The following MBOAT1 variants were observed in gnomAD, a reference collection of about 807,000 sequenced individuals.
The protein encoded by MBOAT1 is membrane-bound glycerophospholipid O-acyltransferase 1.
A neutral mutation model predicts 64.4 loss-of-function variants in MBOAT1; 67 were observed. That is an observed-to-expected ratio of 1.04 (90% CI 0.85 to 1.27). The LOEUF is 1.27. Among genes scored for constraint, MBOAT1 ranks in the 50% most tolerant of loss-of-function variants. The pLI is 0.00. For synonymous variants in MBOAT1, 229 were observed against 218.9 expected (o/e 1.05, Z -0.41); for missense variants, 563 against 604.6 (o/e 0.93, Z 0.72).
intron 5 of MBOAT1, among the ~76,000 whole-genome samples, chr6:20,129,897 T>C (rs1210481263): frequency 6.6e-6 from 1 of 152,204 alleles, no homozygotes; most frequent in Non-Finnish European, 1.5e-5. Context: ...TTGTGAAACC[T>C]TTTAGTACTG....
intron 4 of MBOAT1, among the ~76,000 whole-genome samples, chr6:20,132,296 C>T (rs111712094): frequency 0.061 from 9,280 of 152,242 alleles, 396 homozygotes; most frequent in South Asian, 0.13. Flanking sequence ...GACAGATACA[C>T]GGGCTCCTTC....
rs114409732 is a variant in MBOAT1 at position 20,158,296 on chromosome 6, A to G, written c.100-5527T>C. The stretch of plus-strand genomic sequence containing the variant: ...ACTCTTCTATGTCCATTGATTTTTG[A>G]CAAAGGTATGAAGAACACCCAATGT... On this transcript the variant is annotated intron_variant, in intron 1 of 12. Transcript: ENST00000324607. Among the ~76,000 whole-genome samples, 441 of 152,328 alleles carry G rather than the reference A, an allele frequency of 2.9e-3. 2 individuals are homozygous for G. The highest frequency in any genetic ancestry group is 0.01 in the African/African-American group (424 of 41,574).
At chr6:20,135,522 A>C (rs1470104960) in intron 4 of MBOAT1, among the ~76,000 whole-genome samples, 1 of 152,188 alleles carries the variant, frequency 6.6e-6, no homozygotes, top group African/African-American at 2.4e-5. Context: ...GCAATATTTC[A>C]ATAAAACCTA....
chr6:20,125,702 T>C (rs894299904), intron 7 of MBOAT1, among the ~76,000 whole-genome samples: 2 of 152,256 alleles, frequency 1.3e-5, no homozygotes, highest in African/African-American at 4.8e-5. Flanking sequence ...CTTGAGATAC[T>C]TGACCAACCA....
At chr6:20,205,879 T>C (rs1056223200) in intron 1 of MBOAT1, among the ~76,000 whole-genome samples, 1 of 152,084 alleles carries the variant, frequency 6.6e-6, no homozygotes, top group Non-Finnish European at 1.5e-5. Flanking sequence ...CACCACCTCA[T>C]CAGGGCTCTG....
At chr6:20,110,835 A>G (rs1581395091) in intron 11 of MBOAT1, among the ~76,000 whole-genome samples, 2 of 152,304 alleles carry the variant, frequency 1.3e-5, no homozygotes, top group Admixed American at 1.3e-4. Flanking sequence ...TTGTCTGCCC[A>G]TCCCATTTTG....
chr6:20,167,619 G>C (rs1762050617), intron 1 of MBOAT1, among the ~76,000 whole-genome samples: 2 of 152,220 alleles, frequency 1.3e-5, no homozygotes, highest in South Asian at 4.1e-4. Flanking sequence ...TGGATGCACA[G>C]ATTTTAATCA....
intron 1 of MBOAT1, among the ~76,000 whole-genome samples, chr6:20,193,208 G>A (rs1437208984): frequency 2.7e-5 from 4 of 150,536 alleles, no homozygotes; most frequent in East Asian, 3.9e-4. Flanking sequence ...GGGTTTCACC[G>A]TGTTAGCCAG....
chr6:20,168,597 A>AG (rs1169091319), intron 1 of MBOAT1, among the ~76,000 whole-genome samples: 1,303 of 66,656 alleles, frequency 0.02, 3 homozygotes, highest in Non-Finnish European at 0.027. Context: ...GAGGGAGAGA[A>AG]AGAGAGAAGA....
intron 11 of MBOAT1, among the ~76,000 whole-genome samples, chr6:20,112,475 G>A (rs774670747): frequency 2.0e-5 from 3 of 152,094 alleles, no homozygotes; most frequent in African/African-American, 7.2e-5. Flanking sequence ...TTCTAGGCTC[G>A]GGGCAATGAA....
chr6:20,184,802 A>G (rs958976733), intron 1 of MBOAT1, among the ~76,000 whole-genome samples: 1 of 151,898 alleles, frequency 6.6e-6, no homozygotes, highest in African/African-American at 2.4e-5. Flanking sequence ...GCACATACAC[A>G]TGCTGGGCTA....
At chr6:20,158,587 A>G (rs1417397311) in intron 1 of MBOAT1, among the ~76,000 whole-genome samples, 2 of 152,364 alleles carry the variant, frequency 1.3e-5, no homozygotes, top group East Asian at 3.9e-4. Flanking sequence ...AAGCACACCA[A>G]ACTAAAACGG....
At chr6:20,162,111 A>C (rs1285749422) in intron 1 of MBOAT1, among the ~76,000 whole-genome samples, 3 of 152,124 alleles carry the variant, frequency 2.0e-5, no homozygotes, top group Non-Finnish European at 4.4e-5. Context: ...TTTCTTCACT[A>C]CTAAGTTATT....
At chr6:20,176,021 C>T (rs978165793) in intron 1 of MBOAT1, among the ~76,000 whole-genome samples, 8 of 152,310 alleles carry the variant, frequency 5.3e-5, no homozygotes, top group East Asian at 1.9e-4. Context: ...CAGTGGCTCA[C>T]GCCTATAATC....
At chr6:20,207,723 ATAAC>A (rs1270815215) in intron 1 of MBOAT1, among the ~76,000 whole-genome samples, 1 of 152,244 alleles carries the variant, frequency 6.6e-6, no homozygotes, top group Non-Finnish European at 1.5e-5. Flanking sequence ...ACCCAGCAAG[ATAAC>A]TAACAATATA....
intron 8 of MBOAT1, among the ~76,000 whole-genome samples, chr6:20,119,015 T>G (rs180745908): frequency 3.3e-5 from 5 of 152,240 alleles, no homozygotes; most frequent in Admixed American, 2.0e-4. Context: ...GAGGCAGTGC[T>G]AAATCAGGAG....
At chr6:20,126,746 T>C (rs1320369759) in intron 6 of MBOAT1, 46 bp from the exon 7 acceptor site, 1 of 1,400,792 alleles carries the variant, frequency 7.1e-7, no homozygotes, top group Non-Finnish European at 9.9e-7. Context: ...AGTCTTTGCT[T>C]TTTCTTCAGA....
chr6:20,194,212 C>G (rs1322288138), intron 1 of MBOAT1, among the ~76,000 whole-genome samples: 1 of 152,010 alleles, frequency 6.6e-6, no homozygotes, highest in Non-Finnish European at 1.5e-5. Flanking sequence ...ACAGAGTTCC[C>G]ATATATTCTG....
intron 4 of MBOAT1, among the ~76,000 whole-genome samples, chr6:20,135,303 T>C (rs1453730289): frequency 6.6e-6 from 1 of 152,038 alleles, no homozygotes; most frequent in African/African-American, 2.4e-5. Flanking sequence ...TATAATAGAA[T>C]AGGAAAAATT....
Sources: allele counts gnomAD v4.1 joint callset (sites outside exome capture counted in the v4.1 genomes callset), GRCh38; gene constraint gnomAD v4.1.1; transcripts MANE v1.5; gene names NCBI Gene and HGNC (gene_info 2026-07-23, HGNC 2026-07-21).